Variants in MYH7B observed in about 807,000 individuals in gnomAD.
The protein encoded by MYH7B is myosin-7B.
Under a neutral mutation model 234.5 loss-of-function variants are expected in MYH7B, and 205 were observed. The ratio of observed to expected loss-of-function variants is 0.87; its 90% confidence interval spans 0.78 to 0.98. MYH7B has a LOEUF of 0.98. Among genes scored for constraint, MYH7B ranks in the 50% least tolerant of loss-of-function variants. The pLI, the probability that MYH7B is intolerant of heterozygous loss-of-function variation, is 0.00. For synonymous variants in MYH7B, 1,193 were observed against 1,105.0 expected (o/e 1.08, Z -1.58); for missense variants, 2,652 against 2,633.4 (o/e 1.01, Z -0.15).
exon 45 of MYH7B, chr20:35,002,200 C>A (rs537865920): frequency 1.3e-6 from 2 of 1,524,408 alleles, no homozygotes; most frequent in Non-Finnish European, 1.8e-6. Flanking sequence ...GGCCTGACCC[C>A]CTGGGCTCTA....
At position 34,983,702 on chromosome 20, in the gene MYH7B, A is replaced by G. The variant is rs368817722; in HGVS notation, c.625-990A>G. 9.2e-5 allele frequency among the ~76,000 whole-genome samples: 14 copies of G among 152,334 alleles called. No homozygotes were observed. The East Asian group carries it at 1.4e-3, about 15-fold the overall frequency. On this transcript the variant is annotated intron_variant, in intron 10 of 44. Coordinates refer to ENST00000262873, the Ensembl canonical transcript of MYH7B. ...CCTTACCTTGGCCCCAAATTTGGCC[A>G]AACGGGCTAGAGAGAGCCCTGCACA...
chr20:34,986,649 A>G, intron 14 of MYH7B, among the ~76,000 whole-genome samples: 1 of 152,174 alleles, frequency 6.6e-6, no homozygotes, highest in East Asian at 1.9e-4. Flanking sequence ...AGAGAACCAG[A>G]AAAAGAAGCC....
At chr20:34,963,083 G>GCGAGACTC in intron 2 of MYH7B, among the ~76,000 whole-genome samples, 1 of 152,380 alleles carries the variant, frequency 6.6e-6, no homozygotes, top group Non-Finnish European at 1.5e-5. Context: ...GGGTGACAGA[G>GCGAGACTC]CGAGACTCCG....
exon 42 of MYH7B, chr20:35,001,259 G>A (rs2082374046): frequency 1.2e-6 from 2 of 1,611,352 alleles, no homozygotes; most frequent in South Asian, 1.1e-5. Flanking sequence ...GGGAGCTGGA[G>A]GCTGAGCTTG....
chr20:34,990,672 A>G (rs765514889), intron 22 of MYH7B, 66 bp from the exon 23 acceptor site: 9 of 1,479,736 alleles, frequency 6.1e-6, no homozygotes, highest in Admixed American at 1.7e-5. Flanking sequence ...GGTCCTGACC[A>G]CTGCGGCATC....
rs2082285088 is a variant in MYH7B, at chr20:34,997,527, GAGCAGGTGGAC to G, written c.3638_3648del (p.Gln1213ProfsTer14). The G allele has an allele frequency of 6.2e-7, 1 of 1,607,478 alleles. No homozygotes were observed. Among genetic ancestry groups the G allele is most frequent in the East Asian group, 2.3e-5 (1 of 44,404 alleles). ...GGCGGAGGGCGCGGCGGAGCTGGGG[GAGCAGGTGGAC>G]AGCCTGCAGCGGGTGCGGCAGAAGC... On this transcript the variant is annotated frameshift_variant, in exon 32 of 45. Transcript: ENST00000262873. LOFTEE classifies it high-confidence loss of function.
At chr20:34,990,482 G>A (rs771354945) in intron 22 of MYH7B, 172 bp downstream of exon 22, 13 of 915,008 alleles carry the variant, frequency 1.4e-5, no homozygotes, top group South Asian at 1.0e-4. Flanking sequence ...CCGTCCCTAC[G>A]CTGCCTGGGC....
chr20:34,964,897 T>A (rs1367992232), intron 2 of MYH7B, among the ~76,000 whole-genome samples: 1 of 152,208 alleles, frequency 6.6e-6, no homozygotes, highest in African/African-American at 2.4e-5. Context: ...TTTCCTTGTT[T>A]AATCTACTGA....
chr20:34,974,031 T>C (rs1439477523), intron 2 of MYH7B, among the ~76,000 whole-genome samples: 15 of 150,856 alleles, frequency 9.9e-5, no homozygotes, highest in Non-Finnish European at 1.9e-4. Context: ...TTCAAGTGAT[T>C]CTCCTGCCTC....
In MYH7B at chr20:35,000,759, TC is replaced by T; in HGVS notation, c.5179-5del. On this transcript the variant is annotated splice_polypyrimidine_tract_variant and splice_region_variant and intron_variant, in intron 39 of 44. Transcript: ENST00000262873. ...GGCTGGCTGGCTCTGAGACTCCTCT[TC>T]CCCTCAGAACACAGGCCTCCTAAAC... 6.2e-7 allele frequency: 1 copy of T among 1,611,246 alleles called. No individual in the cohort carries two copies. The highest frequency in any genetic ancestry group is 1.6e-4 in the Middle Eastern group (1 of 6,062).
intron 4 of MYH7B, 51 bp downstream of exon 4, chr20:34,977,731 C>CGGGGGGG: frequency 6.8e-6 from 1 of 146,972 alleles, no homozygotes. Context: ...GGAGGGTGGG[C>CGGGGGGG]GGGTGGGTGA....
exon 14 of MYH7B, chr20:34,986,126 T>A: frequency 6.3e-7 from 1 of 1,593,226 alleles, no homozygotes; most frequent in Non-Finnish European, 8.6e-7. Flanking sequence ...GCGGGTGATC[T>A]TCCAGTTGCC....
At chr20:34,999,446 G>T in intron 36 of MYH7B, 41 bp downstream of exon 36, 1 of 1,516,304 alleles carries the variant, frequency 6.6e-7, no homozygotes, top group East Asian at 2.3e-5. Flanking sequence ...GCTGCCCTGG[G>T]GTCGGAGCAA....
chr20:34,988,420 G>A (rs1353972051), intron 19 of MYH7B, among the ~76,000 whole-genome samples, 158 bp downstream of exon 19: 5 of 152,130 alleles, frequency 3.3e-5, no homozygotes, highest in African/African-American at 7.2e-5. Flanking sequence ...TTGTGACAGC[G>A]TTTATGTGCT....
At position 34,979,958 on chromosome 20, in the gene MYH7B, G is replaced by C; in HGVS notation, c.342+154G>C. On this transcript the variant is annotated intron_variant, in intron 7 of 44. Transcript: ENST00000262873. ...TAGAGCGGGTCCATAGCGGGGGTGG[G>C]GCTGTGAGCGATGAGGCGGGGCTCT... is the stretch of plus-strand genomic sequence containing the variant. The C allele has an allele frequency of 4.7e-6, 4 of 856,956 alleles. 1 individual carries two copies. The highest frequency in any genetic ancestry group is 7.1e-6 in the Non-Finnish European group (4 of 565,046). 53.1% of individuals were successfully genotyped at this position (856,956 alleles called of 1,614,324 possible).
chr20:34,979,840 C>A, intron 7 of MYH7B, 36 bp downstream of exon 7: 1 of 1,597,504 alleles, frequency 6.3e-7, no homozygotes, highest in Non-Finnish European at 8.5e-7. Flanking sequence ...CGGGGTGGGG[C>A]TTGTATGTGG....
Position 34,987,681 on chromosome 20 carries a change from C to T in MYH7B, c.1266+6C>T, listed in dbSNP as rs774504169. The T allele has an allele frequency of 6.8e-6, 11 of 1,612,282 alleles. No homozygotes were observed. In the Admixed American group the frequency reaches 1.8e-4, roughly 27 times the overall value. On this transcript the variant is annotated splice_donor_region_variant and intron_variant, in intron 17 of 44. Coordinates refer to ENST00000262873, the Ensembl canonical transcript of MYH7B. Reference sequence around the variant, plus strand: ...AGGGCCAGAGTGTGGAGCAGGTGAGCTGCCTGCAGGCCAAACCCATGGGGG... The same window carrying T: ...AGGGCCAGAGTGTGGAGCAGGTGAGTTGCCTGCAGGCCAAACCCATGGGGG...
intron 3 of MYH7B, 141 bp downstream of exon 3, chr20:34,975,640 T>C: frequency 1.7e-6 from 1 of 604,474 alleles, no homozygotes; most frequent in South Asian, 2.0e-5. Context: ...CGTCATTTCC[T>C]AATGGAGACA....
At chr20:34,994,903 C>T (rs2082224060) in intron 27 of MYH7B, among the ~76,000 whole-genome samples, 1 of 152,240 alleles carries the variant, frequency 6.6e-6, no homozygotes, top group African/African-American at 2.4e-5. Context: ...TCACAAAACT[C>T]ACCTGCTAGT....
Sources: gnomAD v4.1 joint callset for allele counts (sites outside exome capture counted in the v4.1 genomes callset) on GRCh38, gnomAD v4.1.1 for gene constraint, MANE v1.5 for transcripts, NCBI Gene and HGNC (gene_info 2026-07-23, HGNC 2026-07-21) for gene names.